THAP8: variants seen among roughly 807,000 people sequenced by gnomAD.
The protein encoded by THAP8 is THAP domain containing 8.
THAP8 carries 24 observed loss-of-function variants against 25.0 expected under a neutral mutation model. The ratio of observed to expected loss-of-function variants is 0.96; its 90% CI spans 0.69 to 1.35. THAP8 has a LOEUF of 1.35. Ranked by LOEUF, THAP8 falls within the 40% of genes most tolerant of loss-of-function variation. THAP8 has a pLI of 0.00. For synonymous variants in THAP8, 169 were observed against 157.6 expected, an observed-to-expected ratio of 1.07 and a Z score of -0.54; for missense variants, 399 against 368.8, an observed-to-expected ratio of 1.08 and a Z score of -0.67.
intron 1 of THAP8, 69 bp from the exon 2 acceptor site, chr19:36,040,205 A>G: frequency 6.9e-7 from 1 of 1,456,036 alleles, no homozygotes; most frequent in Admixed American, 2.3e-5. Context: ...GAGGATACCC[A>G]CCCTGGAGGT....
intron 3 of THAP8, among the ~76,000 whole-genome samples, chr19:36,036,934 CCTT>C (rs2145424692): frequency 7.6e-6 from 1 of 131,202 alleles, no homozygotes; most frequent in South Asian, 2.4e-4. Context: ...GAGCAAGACT[CCTT>C]CTCAAAAAAA....
upstream of THAP8, chr19:36,054,731 C>T: frequency 1.7e-6 from 1 of 602,158 alleles, no homozygotes; most frequent in Non-Finnish European, 3.0e-6. Flanking sequence ...GACCCCATGA[C>T]GCTTAATCAG....
chr19:36,039,763 C>T (rs769938626), intron 2 of THAP8, 45 bp from the exon 3 acceptor site: 9 of 1,485,830 alleles, frequency 6.1e-6, no homozygotes, highest in African/African-American at 1.4e-5. Flanking sequence ...GGTCAGACTT[C>T]GACTCAGGAG....
chr19:36,035,318 G>A lies in THAP8; in HGVS notation c.*122C>T, dbSNP rs947819039. The A allele has an allele frequency of 3.1e-6, 4 of 1,311,202 alleles. No individual in the cohort carries two copies. The highest frequency in any genetic ancestry group is 4.1e-6 in the Non-Finnish European group (4 of 964,904). 81.2% of individuals were successfully genotyped at this position (1,311,202 alleles called of 1,614,324 possible). A position where few individuals can be genotyped will look rare whatever the true frequency, so the allele number is the denominator to read the frequency against. On this transcript the variant is annotated 3_prime_UTR_variant, in exon 4 of 4. Transcript: ENST00000292894. ...CTAGGAGTGGGGTGGTAGAACCCAGGCCCTTGAGGGAGGCACTGCTACTAC... is the reference window on the plus strand; with the variant it reads ...CTAGGAGTGGGGTGGTAGAACCCAGACCCTTGAGGGAGGCACTGCTACTAC...
At chr19:36,049,735 ATTG>A (rs888616849) in intron 1 of THAP8, among the ~76,000 whole-genome samples, 2 of 152,168 alleles carry the variant, frequency 1.3e-5, no homozygotes, top group African/African-American at 2.4e-5. Context: ...CTAAGTAACT[ATTG>A]TTGTTGTTAT....
chr19:36,039,759 A>T, intron 2 of THAP8, 41 bp from the exon 3 acceptor site: 4 of 1,485,936 alleles, frequency 2.7e-6, no homozygotes, highest in Non-Finnish European at 3.6e-6. Context: ...CCGTGGTCAG[A>T]CTTCGACTCA....
chr19:36,045,578 CCTTAT>C, intron 1 of THAP8: 1 of 376,822 alleles, frequency 2.7e-6, no homozygotes, highest in Non-Finnish European at 5.3e-6. Flanking sequence ...CTGAATATTA[CCTTAT>C]ATGACAAAAG....
chr19:36,054,144 C>T lies in THAP8; in HGVS notation c.74G>A (p.Ser25Asn). The part of the protein sequence containing the change: ...GRLGADNRPV[S>N]FYKFPLKDGP... ...CCCGCGCTGCGCTCACTTGTAGAAG[C>T]TCACAGGGCGGTTGTCTGCACCCAG... is the stretch of plus-strand genomic sequence containing the variant. Residue 25 changes from serine (S) to asparagine (N), a missense_variant, in exon 1 of 4, where the codon AGC (serine) becomes AAC (asparagine). By Grantham distance (46) the Ser-to-Asn change is conservative. Coordinates refer to ENST00000292894, the MANE Select transcript of THAP8 (RefSeq NM_152658.3). 1.9e-6 allele frequency: 3 copies of T among 1,613,786 alleles called. No homozygotes were observed. Among genetic ancestry groups the T allele is most frequent in the Non-Finnish European group, 2.5e-6 (3 of 1,179,904 alleles).
chr19:36,039,595 C>T lies in THAP8; in HGVS notation c.400G>A (p.Gly134Ser). ...VSGPVRLVVL[G>S]PTSGSPKTVA... ...GTCTTGGGGCTCCCCGATGTGGGGC[C>T]CAGCACCACTAGGCGCACTGGGCCA... is the stretch of plus-strand genomic sequence containing the variant. The change falls in exon 3 of 4, where the codon GGC (glycine) becomes AGC (serine). Residue 134 changes from glycine (G) to serine (S), a missense_variant. Physicochemically the swap from Gly to Ser is moderately conservative, Grantham distance 56 (BLOSUM62 0). Coordinates refer to ENST00000292894, the MANE Select transcript of THAP8 (RefSeq NM_152658.3). 3.3e-6 allele frequency: 5 copies of T among 1,513,504 alleles called. No homozygotes were observed. The highest frequency in any genetic ancestry group is 4.4e-6 in the Non-Finnish European group (5 of 1,126,794). 93.8% of individuals were successfully genotyped at this position (1,513,504 alleles called of 1,614,324 possible). A position where few individuals can be genotyped will look rare whatever the true frequency, so the allele number is the denominator to read the frequency against.
At position 36,040,110 on chromosome 19, in the gene THAP8, A is replaced by G. The variant is rs1243077282; in HGVS notation, c.110T>C (p.Leu37Pro). The change falls in exon 2 of 4, where the codon CTG (leucine) becomes CCG (proline). Residue 37 changes from leucine (L) to proline (P), a missense_variant. Leu to Pro is a moderately conservative substitution (Grantham distance 98, BLOSUM62 -3). Transcript: ENST00000292894. ...YKFPLKDGPR[L>P]QAWLQHMGCE... is the part of the protein sequence containing the mutation. ...GCCCATGTGCTGCAGCCAGGCCTGC[A>G]GCCGGGGACCATCCTTCAGTGGGAA... 2.5e-6 allele frequency: 4 copies of G among 1,610,500 alleles called. No individual in the cohort carries two copies. The South Asian group carries it at 4.4e-5, about 18-fold the overall frequency.
chr19:36,039,355 G>A lies in THAP8; in HGVS notation c.640C>T (p.Leu214=). 1.3e-6 allele frequency: 2 copies of A among 1,530,576 alleles called. No individual in the cohort carries two copies. Among genetic ancestry groups the A allele is most frequent in the Non-Finnish European group, 8.7e-7 (1 of 1,143,646 alleles). The allele number at this position is 1,530,576 out of a possible 1,614,324, so 94.8% of individuals were successfully genotyped here. ...TGCAGACCCCGGCGTGCCCGTGCCA[G>A]CAGGCTCTCCCCGTGTAGCTGCTGT... ...LAQQLHGESL[L]ARARRGLQRL... The change falls in exon 3 of 4, where the codon CTG becomes TTG. Residue 214 remains leucine (L), a synonymous_variant. Coordinates refer to ENST00000292894, the MANE Select transcript of THAP8 (RefSeq NM_152658.3).
chr19:36,048,246 A>AATACACCTT (rs376927909), intron 1 of THAP8, among the ~76,000 whole-genome samples: 104 of 152,334 alleles, frequency 6.8e-4, no homozygotes, highest in African/African-American at 2.3e-3. Flanking sequence ...GTGAGCAAGA[A>AATACACCTT]ATACACCTTT....
rs576100061 is a variant in THAP8 at position 36,038,985 on chromosome 19, T to C, written c.672+338A>G. Among the ~76,000 whole-genome samples, 3 of 152,352 alleles carry C rather than the reference T, an allele frequency of 2.0e-5. No homozygotes were observed. In the East Asian group the frequency reaches 5.8e-4, roughly 29 times the overall value. On this transcript the variant is annotated intron_variant, in intron 3 of 3. Coordinates refer to ENST00000292894, the MANE Select transcript of THAP8 (RefSeq NM_152658.3). ...ATATTAAGTATTTAGTATTAGTAAA[T>C]GGAGCAATCATTACTCAGCTCCAAC...
chr19:36,053,013 A>G (rs1476981048), intron 1 of THAP8, among the ~76,000 whole-genome samples: 2 of 152,074 alleles, frequency 1.3e-5, no homozygotes, highest in Non-Finnish European at 2.9e-5. Flanking sequence ...GCTTGTGCCC[A>G]GGAGTTTGAG....
At chr19:36,054,579 G>C (rs1970236414), upstream of THAP8, 1 of 543,174 alleles carries the variant, frequency 1.8e-6, no homozygotes, top group African/African-American at 1.9e-5. Flanking sequence ...TCCACCCTAC[G>C]CCTACATCCG....
upstream of THAP8, chr19:36,054,755 T>C (rs1599734658): frequency 9.6e-6 from 6 of 624,026 alleles, no homozygotes; most frequent in East Asian, 1.4e-4. Context: ...TCCAGTACAC[T>C]GGCTGTGGCC....
intron 1 of THAP8, chr19:36,046,032 T>C (rs921486845): frequency 3.2e-5 from 12 of 375,962 alleles, no homozygotes; most frequent in African/African-American, 1.9e-4. Context: ...AAAGAAACTA[T>C]GGTAATGTGG....
chr19:36,044,794 T>C (rs906745542), intron 1 of THAP8, among the ~76,000 whole-genome samples: 5 of 152,172 alleles, frequency 3.3e-5, no homozygotes, highest in African/African-American at 4.8e-5. Context: ...ACCCCACCCC[T>C]GCTCTCTCTT....
intron 1 of THAP8, among the ~76,000 whole-genome samples, chr19:36,050,231 G>A (rs918529581): frequency 6.6e-6 from 1 of 152,116 alleles, no homozygotes; most frequent in African/African-American, 2.4e-5. Context: ...CTGCAGCCTC[G>A]GCTCCTGGGA....
Sources: gnomAD v4.1 joint callset for allele counts (sites outside exome capture counted in the v4.1 genomes callset) on GRCh38, gnomAD v4.1.1 for gene constraint, MANE v1.5 for transcripts, NCBI Gene and HGNC (gene_info 2026-07-23, HGNC 2026-07-21) for gene names.